ZMYND11: variants seen among roughly 807,000 people sequenced by gnomAD.
ZMYND11 encodes the protein zinc finger MYND-type containing 11.
ZMYND11 carries 9 observed loss-of-function variants against 84.9 expected under a neutral mutation model. The observed-to-expected ratio is 0.11, with a 90% CI of 0.06 to 0.18. The LOEUF (loss-of-function observed/expected upper bound fraction) is 0.18. ZMYND11 is among the 10% of genes least tolerant of loss of function. The pLI is 1.00. For synonymous variants in ZMYND11, 250 were observed against 244.1 expected (o/e 1.02, Z -0.23); for missense variants, 409 against 761.0 (o/e 0.54, Z 5.44).
chr10:136,405 G>A (rs1359132266), intron 1 of ZMYND11, among the ~76,000 whole-genome samples: 4 of 152,170 alleles, frequency 2.6e-5, no homozygotes, highest in Non-Finnish European at 4.4e-5. Context: ...TGTGCAGTGC[G>A]GTGTCCTATG....
chr10:161,926 T>G (rs1215650857), intron 1 of ZMYND11, among the ~76,000 whole-genome samples: 1 of 152,228 alleles, frequency 6.6e-6, no homozygotes, highest in Non-Finnish European at 1.5e-5. Flanking sequence ...TTTAATTTCC[T>G]TCAAGAACTT....
At chr10:196,281 T>C (rs1262814720) in intron 2 of ZMYND11, among the ~76,000 whole-genome samples, 4 of 152,166 alleles carry the variant, frequency 2.6e-5, no homozygotes, top group Admixed American at 1.3e-4. Flanking sequence ...TACGGAAAAT[T>C]TTTTCTGCTA....
At chr10:244,217 ATTAT>A (rs1465709395) in intron 10 of ZMYND11, among the ~76,000 whole-genome samples, 3 of 152,198 alleles carry the variant, frequency 2.0e-5, no homozygotes, top group Admixed American at 1.3e-4. Context: ...TGAATTTTTA[ATTAT>A]TTAAGCAACT....
chr10:233,905 TATTTAAAC>T (rs1949449079), intron 4 of ZMYND11, among the ~76,000 whole-genome samples: 1 of 152,210 alleles, frequency 6.6e-6, no homozygotes, highest in Admixed American at 6.5e-5. Context: ...CATTTGAAAA[TATTTAAAC>T]ACATAGAACC....
At chr10:172,822 C>G (rs1242602079) in intron 1 of ZMYND11, among the ~76,000 whole-genome samples, 4 of 152,144 alleles carry the variant, frequency 2.6e-5, no homozygotes, top group Non-Finnish European at 1.5e-5. Context: ...AGGACTGATA[C>G]TACCTGACTT....
chr10:226,162 C>T (rs555797834), intron 4 of ZMYND11, among the ~76,000 whole-genome samples: 24 of 152,274 alleles, frequency 1.6e-4, no homozygotes, highest in African/African-American at 5.5e-4. Context: ...CTCCCCATTA[C>T]GCCAGAGTTA....
At chr10:165,692 G>C (rs1843845973) in intron 1 of ZMYND11, among the ~76,000 whole-genome samples, 1 of 151,532 alleles carries the variant, frequency 6.6e-6, no homozygotes, top group Admixed American at 6.6e-5. Context: ...CCAAAATTAA[G>C]TTGTGATATT....
rs537691769 is a variant in ZMYND11, at chr10:248,492, G to T, written c.1384G>T (p.Val462Leu). 3.3e-5 allele frequency: 54 copies of T among 1,614,036 alleles called. No homozygotes were observed. The highest frequency in any genetic ancestry group is 4.0e-5 in the Non-Finnish European group (47 of 1,180,042). ...GAGCACCCAGACCACAAACGACGGC[G>T]TGTGTCAGAGCATGTGCCATGACAA... ...HRSTQTTNDG[V>L]CQSMCHDKYT... The change falls in exon 13 of 15, where the codon GTG becomes TTG. Residue 462 changes from valine (V) to leucine (L), a missense_variant. By Grantham distance (32) the Val-to-Leu change is conservative. Around this residue, in one of 7 missense-constraint regions of ZMYND11, gnomAD observed 141 missense variants for 173.8 expected, o/e 0.81. Transcript: ENST00000381604.
intron 14 of ZMYND11, among the ~76,000 whole-genome samples, chr10:251,312 G>T (rs1953443062): frequency 6.6e-6 from 1 of 152,154 alleles, no homozygotes; most frequent in East Asian, 1.9e-4. Flanking sequence ...ACAGACCCCA[G>T]ATGTGAATCC....
chr10:245,559 G>A (rs941851691), intron 10 of ZMYND11, among the ~76,000 whole-genome samples: 1 of 152,132 alleles, frequency 6.6e-6, no homozygotes, highest in African/African-American at 2.4e-5. Flanking sequence ...ATCGCAACTT[G>A]TACTCTACCG....
chr10:248,643 A>T (rs1173128964), intron 13 of ZMYND11, 35 bp downstream of exon 13: 2 of 1,563,720 alleles, frequency 1.3e-6, no homozygotes, highest in Non-Finnish European at 1.7e-6. Context: ...GCCCTGCTGC[A>T]GCCGGCACTC....
intron 2 of ZMYND11, among the ~76,000 whole-genome samples, chr10:199,022 G>C (rs1455959911): frequency 6.6e-6 from 1 of 152,066 alleles, no homozygotes; most frequent in African/African-American, 2.4e-5. Flanking sequence ...CCCTTTCTTG[G>C]TGCACCTGAA....
chr10:215,243 A>C (rs886154529), intron 3 of ZMYND11, among the ~76,000 whole-genome samples: 4 of 152,182 alleles, frequency 2.6e-5, no homozygotes, highest in Non-Finnish European at 5.9e-5. Flanking sequence ...CTTACCTACC[A>C]GGTTTGGTCT....
At position 175,037 on chromosome 10, in the gene ZMYND11, T is replaced by A. The variant is rs141142638; in HGVS notation, c.-19-4957T>A. Among the ~76,000 whole-genome samples, 1,091 of 152,164 alleles carry A rather than the reference T, an allele frequency of 7.2e-3. 10 individuals carry two copies. Among genetic ancestry groups the A allele is most frequent in the African/African-American group, 0.025 (1,019 of 41,436 alleles). The stretch of plus-strand genomic sequence containing the variant: ...TACAGTGGCACATGCTTGTCATTCA[T>A]ACGTTGGTCAGAACCCATGGAATGT... On this transcript the variant is annotated intron_variant, in intron 1 of 14. Coordinates refer to ENST00000381604, the MANE Select transcript of ZMYND11 (RefSeq NM_001370100.5).
At chr10:220,124 GTAC>G in intron 3 of ZMYND11, among the ~76,000 whole-genome samples, 1 of 152,214 alleles carries the variant, frequency 6.6e-6, no homozygotes, top group East Asian at 1.9e-4. Flanking sequence ...TATTGGGGGA[GTAC>G]TGACATCAGA....
intron 4 of ZMYND11, among the ~76,000 whole-genome samples, chr10:225,590 C>T (rs1947982488): frequency 6.6e-6 from 1 of 152,196 alleles, no homozygotes; most frequent in Non-Finnish European, 1.5e-5. Context: ...TCGAGTGACC[C>T]TCCTGCCTTG....
chr10:205,055 A>G (rs774801658), intron 2 of ZMYND11, among the ~76,000 whole-genome samples: 50 of 152,078 alleles, frequency 3.3e-4, no homozygotes, highest in Non-Finnish European at 6.2e-4. Context: ...GTCTCATTGG[A>G]GTTACCTGGT....
intron 8 of ZMYND11, among the ~76,000 whole-genome samples, chr10:240,637 C>T (rs139279467): frequency 1.5e-4 from 23 of 152,202 alleles, no homozygotes; most frequent in Non-Finnish European, 2.5e-4. Flanking sequence ...CAGTGAGGTC[C>T]GGGCAGGGCC....
At chr10:225,975 A>T (rs1197145699) in intron 4 of ZMYND11, among the ~76,000 whole-genome samples, 4 of 152,152 alleles carry the variant, frequency 2.6e-5, no homozygotes, top group African/African-American at 9.7e-5. Context: ...GTGTCTGTGG[A>T]GCCCTTGAAT....
Sources: gnomAD v4.1 joint callset for allele counts (sites outside exome capture counted in the v4.1 genomes callset) on GRCh38, gnomAD v4.1.1 for gene constraint, gnomAD v4.1.1 regional missense constraint, MANE v1.5 for transcripts, NCBI Gene and HGNC (gene_info 2026-07-23, HGNC 2026-07-21) for gene names.